Variants in GRK5 observed in about 807,000 individuals in gnomAD.
GRK5 encodes g protein-coupled receptor kinase GRK5.
In GRK5, 40 loss-of-function variants were observed where a neutral mutation model predicts 78.4. The ratio of observed to expected loss-of-function variants is 0.51; its 90% CI spans 0.40 to 0.66. The LOEUF (loss-of-function observed/expected upper bound fraction) is 0.66. Ranked by LOEUF, GRK5 falls within the 30% of genes least tolerant of loss-of-function variation. GRK5 has a pLI of 0.00. For missense variants in GRK5, 598 were observed against 759.9 expected (o/e 0.79, Z 2.50); for synonymous variants, 289 against 296.8 (o/e 0.97, Z 0.27).
intron 2 of GRK5, among the ~76,000 whole-genome samples, chr10:119,360,382 T>C (rs1233128070): frequency 6.6e-6 from 1 of 152,148 alleles, no homozygotes. Context: ...AGGCGCTTAG[T>C]GGGTGGCTTC....
intron 2 of GRK5, among the ~76,000 whole-genome samples, chr10:119,376,811 C>A (rs1589772430): frequency 6.6e-6 from 1 of 152,156 alleles, no homozygotes; most frequent in Non-Finnish European, 1.5e-5. Flanking sequence ...AGGTGATCCA[C>A]CCGCCTCGGC....
In GRK5 at chr10:119,455,380, T is replaced by C. The variant is rs1219558564; in HGVS notation, c.*313T>C. 1 of 523,726 alleles carries C rather than the reference T, an allele frequency of 1.9e-6. No individual in the cohort carries two copies. Among genetic ancestry groups the C allele is most frequent in the Non-Finnish European group, 3.5e-6 (1 of 284,686 alleles). 32.4% of individuals were successfully genotyped at this position (523,726 alleles called of 1,614,324 possible). On this transcript the variant is annotated 3_prime_UTR_variant, in exon 16 of 16. Transcript: ENST00000392870. The stretch of plus-strand genomic sequence containing the variant: ...CATAACTAGAACTGAATTTTGTCTT[T>C]ATGATTTTTAAAGAAAAGTTTTGTA...
At chr10:119,218,767 T>C (rs1027369366) in intron 1 of GRK5, among the ~76,000 whole-genome samples, 6 of 152,162 alleles carry the variant, frequency 3.9e-5, no homozygotes, top group African/African-American at 1.4e-4. Context: ...TGTCACAGAT[T>C]AGGGAGAGTG....
intron 4 of GRK5, among the ~76,000 whole-genome samples, chr10:119,404,793 G>T (rs192386615): frequency 3.2e-4 from 48 of 152,294 alleles, no homozygotes; most frequent in Admixed American, 1.9e-3. Context: ...ACATCCCAGG[G>T]GCTTTGAGCC....
rs1322516823 is a variant in GRK5 at position 119,271,220 on chromosome 10, G to A, written c.53-55296G>A. On this transcript the variant is annotated intron_variant, in intron 1 of 15. Transcript: ENST00000392870. This position sits in a 1 kb window ranked among gnomAD's most constrained non-coding sequence, Gnocchi z 4.1. Reference sequence around the variant, plus strand: ...ACACGTGTACAGCCACATCCTCCACGCCCTTTGGGCGCTGGTCATTCAGAG... The same window carrying A: ...ACACGTGTACAGCCACATCCTCCACACCCTTTGGGCGCTGGTCATTCAGAG... Among the ~76,000 whole-genome samples, 1 of 151,946 alleles carries A rather than the reference G, an allele frequency of 6.6e-6. No homozygotes were observed. The highest frequency in any genetic ancestry group is 1.5e-5 in the Non-Finnish European group (1 of 67,992).
intron 4 of GRK5, among the ~76,000 whole-genome samples, chr10:119,403,092 T>G (rs1042636376): frequency 3.3e-5 from 5 of 152,188 alleles, no homozygotes; most frequent in Admixed American, 1.3e-4. Context: ...CAGCCACTAA[T>G]CTACTTTCTG....
intron 1 of GRK5, among the ~76,000 whole-genome samples, chr10:119,260,935 G>A (rs1424217138): frequency 2.0e-5 from 3 of 152,002 alleles, no homozygotes; most frequent in Non-Finnish European, 2.9e-5. Flanking sequence ...CCTCCCAGAC[G>A]GGGTGGTGGC....
Position 119,431,414 on chromosome 10 carries a change from G to T in GRK5, c.625G>T (p.Gly209Cys), listed in dbSNP as rs1852814694. ...CTGTGCCTGCCAGGTTCGGGCCACG[G>T]GTAAAATGTATGCCTGCAAGCGCTT... ...EVCACQVRAT[G>C]KMYACKRLEK... Residue 209 changes from glycine to cysteine, a missense_variant, in exon 8 of 16, where the codon GGT (glycine) becomes TGT (cysteine). Transcript: ENST00000392870. The surrounding 1 kb of genome is among the most constrained non-coding windows in gnomAD (Gnocchi z 4.8). 4 of 1,613,930 alleles carry T rather than the reference G, an allele frequency of 2.5e-6. No individual in the cohort carries two copies. In the East Asian group the frequency reaches 8.9e-5, roughly 36 times the overall value.
intron 4 of GRK5, among the ~76,000 whole-genome samples, chr10:119,400,368 C>T (rs540932462): frequency 6.6e-6 from 1 of 152,242 alleles, no homozygotes; most frequent in South Asian, 2.1e-4. Flanking sequence ...GGAGGAGCGG[C>T]CTTCATGGGT....
chr10:119,411,962 CGCCTCA>C (rs1852354866), intron 4 of GRK5, among the ~76,000 whole-genome samples: 1 of 150,510 alleles, frequency 6.6e-6, no homozygotes, highest in South Asian at 2.1e-4. Flanking sequence ...GCAATCCTCT[CGCCTCA>C]GCCTCCTGCA....
chr10:119,216,946 A>T lies in GRK5; in HGVS notation c.52+8977A>T, dbSNP rs141397945. Among the ~76,000 whole-genome samples, 740 of 148,392 alleles carry T rather than the reference A, an allele frequency of 5.0e-3. 5 individuals carry two copies. The highest frequency in any genetic ancestry group is 0.016 in the African/African-American group (670 of 41,132). ...CGTCTAAAAGGTAAAATAATAATTT[A>T]AAAAAAAACATAAAAATAAAAAAAG... On this transcript the variant is annotated intron_variant, in intron 1 of 15. Transcript: ENST00000392870.
At position 119,229,569 on chromosome 10, in the gene GRK5, G is replaced by T. The variant is rs557612659; in HGVS notation, c.52+21600G>T. Among the ~76,000 whole-genome samples, 6 of 152,306 alleles carry T rather than the reference G, an allele frequency of 3.9e-5. No individual in the cohort carries two copies. The East Asian group carries it at 1.2e-3, about 29-fold the overall frequency. ...AAGACCTCCTGGGTGTGTAATGCTG[G>T]CTGGGGTACTTCAGGAATGCAAAGA... On this transcript the variant is annotated intron_variant, in intron 1 of 15. Transcript: ENST00000392870.
chr10:119,451,100 C>T (rs1161301765), intron 13 of GRK5, among the ~76,000 whole-genome samples: 5 of 110,560 alleles, frequency 4.5e-5, no homozygotes, highest in African/African-American at 1.8e-4. Context: ...TGCCAGCCCC[C>T]CACCGTCGTC....
At chr10:119,357,457 G>A (rs766393387) in intron 2 of GRK5, among the ~76,000 whole-genome samples, 19 of 152,182 alleles carry the variant, frequency 1.2e-4, no homozygotes, top group Non-Finnish European at 2.4e-4. Context: ...ATAATGAGAC[G>A]CGGGTAACCC....
At chr10:119,326,159 C>T (rs1210257900) in intron 1 of GRK5, among the ~76,000 whole-genome samples, 2 of 152,268 alleles carry the variant, frequency 1.3e-5, no homozygotes, top group Non-Finnish European at 2.9e-5. Context: ...AGGGATGCCC[C>T]AAGCTAAAGG....
At position 119,396,608 on chromosome 10, in the gene GRK5, G is replaced by T. The variant is rs149242600; in HGVS notation, c.262-87G>T. ...GGGGTTGGTCAGGTGGCCTCTAGGG[G>T]ATTTCCTCCAGGGGCTGTGAGGTTC... On this transcript the variant is annotated intron_variant, in intron 3 of 15. Coordinates refer to ENST00000392870, the MANE Select transcript of GRK5 (RefSeq NM_005308.3). 1.4e-3 allele frequency: 1,612 copies of T among 1,158,546 alleles called. 20 individuals are homozygous for T. In the African/African-American group the frequency reaches 0.022, roughly 16 times the overall value. 71.8% of individuals were successfully genotyped at this position (1,158,546 alleles called of 1,614,324 possible).
chr10:119,249,287 A>G (rs1849161348), intron 1 of GRK5, among the ~76,000 whole-genome samples: 1 of 150,436 alleles, frequency 6.6e-6, no homozygotes, highest in Non-Finnish European at 1.5e-5. Context: ...ACAAAAAACG[A>G]AAAACAAAAA....
chr10:119,334,905 CA>C (rs1850848226), intron 2 of GRK5: 1 of 152,082 alleles, frequency 6.6e-6, no homozygotes, highest in South Asian at 2.1e-4. Flanking sequence ...CACAGACAGA[CA>C]GGGGAGATCG....
At chr10:119,442,185 C>T in intron 11 of GRK5, 97 bp downstream of exon 11, 2 of 897,370 alleles carry the variant, frequency 2.2e-6, no homozygotes. Context: ...CCTCTCGCCT[C>T]TTCATGCACT....
Sources: allele counts gnomAD v4.1 joint callset (sites outside exome capture counted in the v4.1 genomes callset), GRCh38; gene constraint gnomAD v4.1.1; non-coding constraint Gnocchi (gnomAD v3.1); transcripts MANE v1.5; gene names NCBI Gene and HGNC (gene_info 2026-07-23, HGNC 2026-07-21).